Variants in KIF26B observed in about 807,000 individuals in gnomAD.
KIF26B encodes the protein kinesin-like protein KIF26B.
In KIF26B, 63 loss-of-function variants were observed where a neutral mutation model predicts 151.2. The ratio of observed to expected loss-of-function variants is 0.42; its 90% CI spans 0.34 to 0.51. The LOEUF (loss-of-function observed/expected upper bound fraction) is 0.51. Ranked by LOEUF, KIF26B falls within the 20% of genes least tolerant of loss-of-function variation. The pLI is 0.07. For missense variants in KIF26B, 2,813 were observed against 2,913.6 expected, an observed-to-expected ratio of 0.97 and a Z score of 0.79; for synonymous variants, 1,357 against 1,262.1, an observed-to-expected ratio of 1.08 and a Z score of -1.59.
At chr1:245,543,480 C>T (rs1236788382) in intron 5 of KIF26B, among the ~76,000 whole-genome samples, 3 of 49,568 alleles carry the variant, frequency 6.1e-5, no homozygotes, top group South Asian at 7.9e-4. Flanking sequence ...GAGACTGTGT[C>T]GAGGAGCGGG....
chr1:245,340,255 C>T (rs754966791), intron 2 of KIF26B, among the ~76,000 whole-genome samples: 5 of 152,050 alleles, frequency 3.3e-5, no homozygotes, highest in Admixed American at 1.3e-4. Flanking sequence ...GTACGTCCTC[C>T]GGTATATCTG....
At chr1:245,584,880 G>A (rs1347978149) in intron 5 of KIF26B, among the ~76,000 whole-genome samples, 1 of 152,056 alleles carries the variant, frequency 6.6e-6, no homozygotes, top group Non-Finnish European at 1.5e-5. Flanking sequence ...TACAACTGAG[G>A]AATAGAGTCA....
intron 2 of KIF26B, among the ~76,000 whole-genome samples, chr1:245,235,216 A>G (rs1011350782): frequency 1.3e-5 from 2 of 152,226 alleles, no homozygotes; most frequent in Non-Finnish European, 2.9e-5. Context: ...TTCAAAGGCC[A>G]TAGTTAATTA....
chr1:245,216,345 G>A (rs1420718984), intron 2 of KIF26B: 2 of 152,136 alleles, frequency 1.3e-5, no homozygotes, highest in African/African-American at 4.8e-5. Flanking sequence ...TTGCATTTAT[G>A]TTTATGAACA....
intron 3 of KIF26B, among the ~76,000 whole-genome samples, chr1:245,398,584 G>C (rs956880190): frequency 2.6e-5 from 4 of 152,020 alleles, no homozygotes; most frequent in Non-Finnish European, 4.4e-5. Context: ...CAGTGGAGGG[G>C]TGGGTTGATG....
intron 4 of KIF26B, among the ~76,000 whole-genome samples, chr1:245,426,354 G>A (rs371894237): frequency 4.6e-5 from 7 of 152,112 alleles, no homozygotes; most frequent in South Asian, 2.1e-4. Flanking sequence ...TCCATACAGC[G>A]TCACTCTCAT....
chr1:245,547,046 GC>G, intron 5 of KIF26B, among the ~76,000 whole-genome samples: 1 of 152,290 alleles, frequency 6.6e-6, no homozygotes, highest in East Asian at 1.9e-4. Flanking sequence ...CCTCTGGACA[GC>G]ACATGCGCAG....
At chr1:245,311,293 G>A (rs759152219) in intron 2 of KIF26B, among the ~76,000 whole-genome samples, 1 of 152,160 alleles carries the variant, frequency 6.6e-6, no homozygotes, top group Non-Finnish European at 1.5e-5. Flanking sequence ...TCCGTGTTGG[G>A]TCTGCAGGGT....
chr1:245,640,143 C>CTCTCTCTATATATATATA, intron 9 of KIF26B, among the ~76,000 whole-genome samples: 1 of 31,924 alleles, frequency 3.1e-5, no homozygotes, highest in African/African-American at 1.4e-4. Flanking sequence ...CTCTCTCTCT[C>CTCTCTCTATATATATATA]TATATATATA....
Position 245,236,040 on chromosome 1 carries a change from C to T in KIF26B, c.465+79357C>T, listed in dbSNP as rs188665006. Among the ~76,000 whole-genome samples, 244 of 151,812 alleles carry T rather than the reference C, an allele frequency of 1.6e-3. 3 individuals carry two copies. Among genetic ancestry groups the T allele is most frequent in the African/African-American group, 5.6e-3 (233 of 41,370 alleles). ...CACCTCCTGGGGTCAAGTGATTCTC[C>T]TGCCCCAGCTTCCCGAGTAGCTGGG... On this transcript the variant is annotated intron_variant, in intron 2 of 14. Coordinates refer to ENST00000407071, the MANE Select transcript of KIF26B (RefSeq NM_018012.4).
rs1233729373 is a variant in KIF26B at position 245,705,843 on chromosome 1, A to C, written c.*3237A>C. ...TCCCACCTGCGAGCTGCAAACTTTG[A>C]TCTTGTTGTCCTTGAATTCCCCTCT... On this transcript the variant is annotated 3_prime_UTR_variant, in exon 15 of 15. Transcript: ENST00000407071. 6.6e-6 allele frequency: 1 copy of C among 152,092 alleles called. No individual in the cohort carries two copies. Among genetic ancestry groups the C allele is most frequent in the African/African-American group, 2.4e-5 (1 of 41,412 alleles). The allele number at this position is 152,092 out of a possible 1,614,324, so 9.4% of individuals were successfully genotyped here. A position where few individuals can be genotyped will look rare whatever the true frequency, so the allele number is the denominator to read the frequency against.
intron 4 of KIF26B, among the ~76,000 whole-genome samples, chr1:245,527,485 T>C (rs1661261953): frequency 6.9e-6 from 1 of 144,072 alleles, no homozygotes; most frequent in African/African-American, 2.5e-5. Context: ...AGGAATAACG[T>C]CAGTTAACTA....
chr1:245,518,579 T>G (rs929568548), intron 4 of KIF26B, among the ~76,000 whole-genome samples: 1 of 152,222 alleles, frequency 6.6e-6, no homozygotes, highest in Non-Finnish European at 1.5e-5. Flanking sequence ...TTTAGGCAAC[T>G]GAAAGGCTTT....
At chr1:245,257,464 C>T (rs1442196407) in intron 2 of KIF26B, among the ~76,000 whole-genome samples, 5 of 152,154 alleles carry the variant, frequency 3.3e-5, no homozygotes, top group Non-Finnish European at 4.4e-5. Context: ...CGAGGGAATA[C>T]GTGTGTGGGC....
At chr1:245,468,740 C>T (rs967137994) in intron 4 of KIF26B, among the ~76,000 whole-genome samples, 1 of 152,084 alleles carries the variant, frequency 6.6e-6, no homozygotes, top group African/African-American at 2.4e-5. Flanking sequence ...TGACATTTCT[C>T]TTTATTATAA....
intron 5 of KIF26B, among the ~76,000 whole-genome samples, chr1:245,569,615 A>C (rs2043044738): frequency 6.6e-6 from 1 of 151,864 alleles, no homozygotes; most frequent in African/African-American, 2.4e-5. Flanking sequence ...TCAAAGAAAC[A>C]AATAAACAAA....
chr1:245,567,086 G>C (rs1288284241), intron 5 of KIF26B, among the ~76,000 whole-genome samples: 1 of 152,172 alleles, frequency 6.6e-6, no homozygotes, highest in African/African-American at 2.4e-5. Flanking sequence ...GCGGCCAAGG[G>C]TCAGAAGTAG....
Position 245,688,546 on chromosome 1 carries a change from A to G in KIF26B, c.5563A>G (p.Thr1855Ala). The G allele has an allele frequency of 6.5e-7, 1 of 1,541,640 alleles. No homozygotes were observed. Among genetic ancestry groups the G allele is most frequent in the Non-Finnish European group, 8.7e-7 (1 of 1,146,298 alleles). ...GCTCCCGTCGCCCTACAGCAAGATCACGCCCCCGCGGAGGCCCCACCGCTG... is the reference window on the plus strand; with the variant it reads ...GCTCCCGTCGCCCTACAGCAAGATCGCGCCCCCGCGGAGGCCCCACCGCTG... ...HLLPSPYSKI[T>A]PPRRPHRCSS... is the part of the protein sequence containing the mutation. The change falls in exon 12 of 15, where the codon ACG (threonine) becomes GCG (alanine). Residue 1855 changes from threonine (T) to alanine (A), a missense_variant. Transcript: ENST00000407071.
chr1:245,309,273 G>A (rs1279487149), intron 2 of KIF26B, among the ~76,000 whole-genome samples: 1 of 152,138 alleles, frequency 6.6e-6, no homozygotes, highest in African/African-American at 2.4e-5. Flanking sequence ...CCAGATATTT[G>A]GTCAAACGTT....
Sources: allele counts gnomAD v4.1 joint callset (sites outside exome capture counted in the v4.1 genomes callset), GRCh38; gene constraint gnomAD v4.1.1; transcripts MANE v1.5; gene names NCBI Gene and HGNC (gene_info 2026-07-23, HGNC 2026-07-21).